SLC39A11: variants seen among roughly 807,000 people sequenced by gnomAD.
The protein encoded by SLC39A11 is solute carrier family 39 member 11.
In SLC39A11, 33 loss-of-function variants were observed where a neutral mutation model predicts 36.1. The observed-to-expected ratio is 0.91, with a 90% confidence interval of 0.69 to 1.22. The LOEUF (loss-of-function observed/expected upper bound fraction) is 1.22. SLC39A11 is among the 50% of genes most tolerant of loss of function. The pLI is 0.00. For synonymous variants in SLC39A11, 166 were observed against 170.3 expected (o/e 0.97, Z 0.20); for missense variants, 432 against 430.3 (o/e 1.00, Z -0.03).
chr17:72,923,662 C>T (rs1280479913), intron 5 of SLC39A11, among the ~76,000 whole-genome samples: 2 of 152,100 alleles, frequency 1.3e-5, no homozygotes, highest in South Asian at 2.1e-4. Context: ...GACAAGGTCG[C>T]AAAACAGAAC....
At chr17:72,713,524 C>A (rs2073204169) in intron 7 of SLC39A11, among the ~76,000 whole-genome samples, 1 of 152,210 alleles carries the variant, frequency 6.6e-6, no homozygotes, top group South Asian at 2.1e-4. Flanking sequence ...GAAGGGTTCT[C>A]ATACATTGCC....
chr17:73,065,935 C>T (rs1475122774), intron 3 of SLC39A11, among the ~76,000 whole-genome samples: 4 of 152,124 alleles, frequency 2.6e-5, no homozygotes, highest in African/African-American at 9.7e-5. Flanking sequence ...AGCCCAGTGT[C>T]GGGATCAAGT....
intron 6 of SLC39A11, 40 bp from the exon 7 acceptor site, chr17:72,736,759 T>C: frequency 6.6e-7 from 1 of 1,514,988 alleles, no homozygotes; most frequent in South Asian, 1.1e-5. Context: ...GTTAGGAATA[T>C]TTCCCCATAA....
intron 4 of SLC39A11, among the ~76,000 whole-genome samples, chr17:72,960,517 T>G (rs2086540128): frequency 6.6e-6 from 1 of 152,110 alleles, no homozygotes; most frequent in Admixed American, 6.6e-5. Flanking sequence ...TCAGGCTGGA[T>G]GTGGTGGTTC....
At chr17:72,990,535 A>C (rs1320273248) in intron 4 of SLC39A11, among the ~76,000 whole-genome samples, 2 of 152,102 alleles carry the variant, frequency 1.3e-5, no homozygotes, top group African/African-American at 4.8e-5. Context: ...CTCCTGCCTC[A>C]GCCCTCAGCC....
rs201676915 is a variant in SLC39A11 at position 72,987,989 on chromosome 17, C to CT, written c.307-40115dup. Among the ~76,000 whole-genome samples, 4 of 152,212 alleles carry CT rather than the reference C, an allele frequency of 2.6e-5. No homozygotes were observed. In the East Asian group the frequency reaches 5.8e-4, roughly 22 times the overall value. On this transcript the variant is annotated intron_variant, in intron 4 of 9. Transcript: ENST00000255559. ...AGAGAGCCACGTAAAAGTCAGCTCT[C>CT]TTTTTTATTATTTTTGTGAGTACAT...
intron 4 of SLC39A11, among the ~76,000 whole-genome samples, chr17:72,959,325 G>GTGTGTATATATATA (rs1436484912): frequency 5.3e-4 from 35 of 65,518 alleles, no homozygotes; most frequent in African/African-American, 2.3e-3. Context: ...GTGTGTGTGT[G>GTGTGTATATATATA]TATATATATA....
intron 6 of SLC39A11, among the ~76,000 whole-genome samples, chr17:72,822,314 TA>T (rs1327986142): frequency 2.7e-5 from 4 of 146,858 alleles, no homozygotes; most frequent in South Asian, 2.1e-4. Context: ...TAGAGAGATA[TA>T]ATATATATAT....
intron 3 of SLC39A11, among the ~76,000 whole-genome samples, chr17:73,046,869 C>T (rs539324096): frequency 2.6e-5 from 4 of 151,568 alleles, no homozygotes; most frequent in African/African-American, 9.7e-5. Context: ...TGAGCCCGGG[C>T]GGTTGAGGCT....
intron 6 of SLC39A11, among the ~76,000 whole-genome samples, chr17:72,842,078 A>ATGTG (rs61185081): frequency 0.027 from 3,944 of 148,686 alleles, 129 homozygotes; most frequent in African/African-American, 0.081. Flanking sequence ...TCAAAAAACT[A>ATGTG]TGTGTGTGTG....
At chr17:73,042,492 T>C (rs2059141774) in intron 3 of SLC39A11, among the ~76,000 whole-genome samples, 1 of 152,118 alleles carries the variant, frequency 6.6e-6, no homozygotes, top group Non-Finnish European at 1.5e-5. Flanking sequence ...TTGCAATCCA[T>C]GTAGGTCAAA....
intron 5 of SLC39A11, among the ~76,000 whole-genome samples, chr17:72,909,730 CTTTCTTT>C (rs908981991): frequency 1.4e-5 from 2 of 144,876 alleles, no homozygotes; most frequent in African/African-American, 5.3e-5. Flanking sequence ...AACTGTCTTT[CTTTCTTT>C]TTTTTCTTTT....
At chr17:72,710,033 G>A (rs2073052220) in intron 7 of SLC39A11, among the ~76,000 whole-genome samples, 1 of 152,198 alleles carries the variant, frequency 6.6e-6, no homozygotes, top group Non-Finnish European at 1.5e-5. Flanking sequence ...TGAGGAACAT[G>A]CAGAAGTCTC....
At chr17:72,679,225 T>A (rs989436087) in intron 7 of SLC39A11, among the ~76,000 whole-genome samples, 2 of 152,152 alleles carry the variant, frequency 1.3e-5, no homozygotes, top group African/African-American at 4.8e-5. Flanking sequence ...AGGGAAATTA[T>A]AGTTAACAGT....
In SLC39A11 at chr17:72,707,708, CTGTTA is replaced by C. The variant is rs376783853; in HGVS notation, c.671+28937_671+28941del. ...ATCCACATGGGTACACATCCTTGTTCTGTTATATTAAGTCAGGGTTCATCTTGTTT... is the reference window on the plus strand; with the variant it reads ...ATCCACATGGGTACACATCCTTGTTCTATTAAGTCAGGGTTCATCTTGTTT... On this transcript the variant is annotated intron_variant, in intron 7 of 9. Transcript: ENST00000255559. Among the ~76,000 whole-genome samples the C allele has an allele frequency of 9.9e-5, 15 of 152,280 alleles. No individual in the cohort carries two copies. The East Asian group carries it at 2.1e-3, about 22-fold the overall frequency.
intron 6 of SLC39A11, among the ~76,000 whole-genome samples, chr17:72,759,821 T>C (rs939205041): frequency 2.0e-5 from 3 of 152,156 alleles, no homozygotes; most frequent in Non-Finnish European, 4.4e-5. Context: ...AGATTCTTAA[T>C]GTAGGTATAA....
chr17:72,922,094 GAT>G (rs1479862515), intron 5 of SLC39A11, among the ~76,000 whole-genome samples: 2 of 152,158 alleles, frequency 1.3e-5, no homozygotes, highest in Admixed American at 6.5e-5. Flanking sequence ...TCCCAGCAAA[GAT>G]ATGGCTCCCA....
chr17:72,944,548 T>TAC (rs993631372), intron 5 of SLC39A11, among the ~76,000 whole-genome samples: 10 of 116,484 alleles, frequency 8.6e-5, no homozygotes, highest in South Asian at 6.4e-4. Flanking sequence ...CACACACACA[T>TAC]ACACACACAC....
intron 5 of SLC39A11, among the ~76,000 whole-genome samples, chr17:72,917,077 C>T (rs181505357): frequency 1.7e-4 from 26 of 152,298 alleles, no homozygotes; most frequent in Admixed American, 1.1e-3. Flanking sequence ...AGTGGTCCAC[C>T]GCTTGGTAAA....
Sources: gnomAD v4.1 joint callset for allele counts (sites outside exome capture counted in the v4.1 genomes callset) on GRCh38, gnomAD v4.1.1 for gene constraint, MANE v1.5 for transcripts, NCBI Gene and HGNC (gene_info 2026-07-23, HGNC 2026-07-21) for gene names.